KCNMA1: variants seen among roughly 807,000 people sequenced by gnomAD.
KCNMA1 encodes the protein potassium calcium-activated channel subfamily M alpha 1.
KCNMA1 carries 29 observed loss-of-function variants against 140.0 expected under a neutral mutation model. The ratio of observed to expected loss-of-function variants is 0.21; its 90% CI spans 0.15 to 0.28. KCNMA1 has a LOEUF of 0.28. Ranked by LOEUF, KCNMA1 falls within the 10% of genes least tolerant of loss-of-function variation. The pLI is 1.00. For missense variants in KCNMA1, 880 were observed against 1,602.2 expected, an observed-to-expected ratio of 0.55 and a Z score of 7.70; for synonymous variants, 612 against 611.9, an observed-to-expected ratio of 1.00 and a Z score of 0.00.
intron 3 of KCNMA1, among the ~76,000 whole-genome samples, chr10:77,229,745 C>CTATATATATA (rs146102707): frequency 1.7e-4 from 25 of 148,274 alleles, no homozygotes; most frequent in African/African-American, 6.2e-4. Context: ...GGAGTAGTGG[C>CTATATATATA]TATATATATA....
At position 77,073,214 on chromosome 10, in the gene KCNMA1, T is replaced by G. The variant is rs143385319; in HGVS notation, c.1632A>C (p.Glu544Asp). The G allele has an allele frequency of 6.2e-6, 10 of 1,614,122 alleles. No homozygotes were observed. Among genetic ancestry groups the G allele is most frequent in the Admixed American group, 1.7e-5 (1 of 60,004 alleles). Residue 544 changes from glutamate (E) to aspartate (D), a missense_variant, in exon 14 of 28, where the codon GAA (glutamate) becomes GAC (aspartate). By Grantham distance (45) the Glu-to-Asp change is conservative (BLOSUM62 2). Transcript: ENST00000286628. ...LLNIPSWNWK[E>D]GDDAICLAEL... ...CTGCGAGGCAGATTGCGTCATCACC[T>G]TCTTTCCAATTCCAGCTCGGGATGT... is the stretch of plus-strand genomic sequence containing the variant.
At chr10:77,513,399 G>C (rs1002270225) in intron 1 of KCNMA1, among the ~76,000 whole-genome samples, 1 of 152,110 alleles carries the variant, frequency 6.6e-6, no homozygotes, top group Non-Finnish European at 1.5e-5. Context: ...GCTTATCACT[G>C]TCTCCCTGAG....
At chr10:77,453,556 AC>A (rs372957151) in intron 1 of KCNMA1, among the ~76,000 whole-genome samples, 1 of 152,224 alleles carries the variant, frequency 6.6e-6, no homozygotes, top group African/African-American at 2.4e-5. Flanking sequence ...AGTGAGCCCT[AC>A]AGTTGCCTCA....
At chr10:77,162,221 T>C (rs929973502) in intron 5 of KCNMA1, among the ~76,000 whole-genome samples, 2 of 152,220 alleles carry the variant, frequency 1.3e-5, no homozygotes, top group Admixed American at 1.3e-4. Context: ...TATGCCCCCA[T>C]GCAGATAATG....
intron 1 of KCNMA1, among the ~76,000 whole-genome samples, chr10:77,569,950 A>G (rs2070269977): frequency 6.6e-6 from 1 of 152,200 alleles, no homozygotes; most frequent in African/African-American, 2.4e-5. Flanking sequence ...ACTTCTCAAA[A>G]GAAGACATTT....
intron 5 of KCNMA1, among the ~76,000 whole-genome samples, chr10:77,158,541 C>T (rs968670989): frequency 1.3e-5 from 2 of 152,068 alleles, no homozygotes; most frequent in Non-Finnish European, 2.9e-5. Flanking sequence ...CCCATAGTCC[C>T]CCCCTCCATG....
At chr10:77,023,280 T>C (rs1180482582) in intron 16 of KCNMA1, among the ~76,000 whole-genome samples, 1 of 152,296 alleles carries the variant, frequency 6.6e-6, no homozygotes. Flanking sequence ...AGACAACCTA[T>C]GATTCGTAAT....
intron 14 of KCNMA1, among the ~76,000 whole-genome samples, chr10:77,046,657 C>T (rs943483846): frequency 1.3e-5 from 2 of 152,228 alleles, no homozygotes; most frequent in Admixed American, 6.5e-5. Flanking sequence ...CTCTCCTCCT[C>T]TATTTCCCTC....
intron 15 of KCNMA1, among the ~76,000 whole-genome samples, chr10:77,038,872 A>T (rs2153576587): frequency 6.6e-6 from 1 of 152,300 alleles, no homozygotes; most frequent in African/African-American, 2.4e-5. Flanking sequence ...CACGGCAGAC[A>T]CCTGGAGCTC....
rs149540626 is a variant in KCNMA1, at chr10:77,245,370, C to T, written c.602+5825G>A. On this transcript the variant is annotated intron_variant, in intron 3 of 27. Transcript: ENST00000286628. ...ACACAGTCCTTTACAGTTTAAAATG[C>T]GCTGTCATGAATGGGATGGGATCTG... 1.6e-4 allele frequency among the ~76,000 whole-genome samples: 25 copies of T among 152,256 alleles called. No homozygotes were observed. The East Asian group carries it at 2.9e-3, about 18-fold the overall frequency.
At chr10:77,600,186 A>C (rs1282147355) in intron 1 of KCNMA1, among the ~76,000 whole-genome samples, 1 of 152,256 alleles carries the variant, frequency 6.6e-6, no homozygotes, top group Non-Finnish European at 1.5e-5. Flanking sequence ...CCTAGGAGGC[A>C]GTGAGCTCCC....
chr10:77,113,279 A>C (rs1471168866), intron 6 of KCNMA1, among the ~76,000 whole-genome samples: 1 of 152,156 alleles, frequency 6.6e-6, no homozygotes, highest in Non-Finnish European at 1.5e-5. Context: ...GCTTTGTTCC[A>C]ATAAAACTTT....
At chr10:77,593,120 G>A (rs577134583) in intron 1 of KCNMA1, among the ~76,000 whole-genome samples, 58 of 152,310 alleles carry the variant, frequency 3.8e-4, no homozygotes, top group African/African-American at 1.4e-3. Flanking sequence ...TCAGAGCAGG[G>A]TTGACGTGAG....
At chr10:77,096,722 T>C (rs942516844) in intron 9 of KCNMA1, among the ~76,000 whole-genome samples, 1 of 152,220 alleles carries the variant, frequency 6.6e-6, no homozygotes, top group East Asian at 1.9e-4. Flanking sequence ...CAGCTTTGCC[T>C]GAATACATTG....
chr10:77,076,056 T>C (rs1210624835), intron 13 of KCNMA1, among the ~76,000 whole-genome samples: 1 of 152,118 alleles, frequency 6.6e-6, no homozygotes, highest in Non-Finnish European at 1.5e-5. Context: ...GAGAGATGGA[T>C]TTCAGTCCTA....
chr10:77,425,109 G>GTGGATGGATGGA lies in KCNMA1; in HGVS notation c.379-21098_379-21087dup, dbSNP rs200540048. ...AGTGGATGGATGGATGGATGGATGA[G>GTGGATGGATGGA]TGGATGGATGGATGGATGGATGGAT... On this transcript the variant is annotated intron_variant, in intron 1 of 27. Coordinates refer to ENST00000286628, the MANE Select transcript of KCNMA1 (RefSeq NM_001161352.2). 6.0e-4 allele frequency among the ~76,000 whole-genome samples: 90 copies of GTGGATGGATGGA among 150,218 alleles called. 1 individual carries two copies. The highest frequency in any genetic ancestry group is 1.0e-3 in the African/African-American group (42 of 40,552).
At chr10:77,574,056 G>A (rs368947979) in intron 1 of KCNMA1, among the ~76,000 whole-genome samples, 4 of 151,766 alleles carry the variant, frequency 2.6e-5, no homozygotes, top group South Asian at 2.1e-4. Context: ...GGCTGGTCTC[G>A]AACTCCTGGC....
chr10:77,058,645 A>G (rs1267839213), intron 14 of KCNMA1, among the ~76,000 whole-genome samples: 1 of 152,128 alleles, frequency 6.6e-6, no homozygotes, highest in Admixed American at 6.5e-5. Context: ...ATTAGGCAAC[A>G]CACTTCTAAA....
At chr10:77,526,621 C>G (rs929901310) in intron 1 of KCNMA1, among the ~76,000 whole-genome samples, 4 of 152,204 alleles carry the variant, frequency 2.6e-5, no homozygotes, top group Admixed American at 1.3e-4. Context: ...AGACGATGAG[C>G]ACAGCCATGA....
Sources: allele counts gnomAD v4.1 joint callset (sites outside exome capture counted in the v4.1 genomes callset), GRCh38; gene constraint gnomAD v4.1.1; transcripts MANE v1.5; gene names NCBI Gene and HGNC (gene_info 2026-07-23, HGNC 2026-07-21).